Variants in PTK2B observed in about 807,000 individuals in gnomAD.
PTK2B encodes the protein protein-tyrosine kinase 2-beta.
PTK2B carries 71 observed loss-of-function variants against 142.9 expected under a neutral mutation model. The ratio of observed to expected loss-of-function variants is 0.50; its 90% CI spans 0.41 to 0.61. The LOEUF (loss-of-function observed/expected upper bound fraction) is 0.61. Among genes scored for constraint, PTK2B ranks in the 20% least tolerant of loss-of-function variants. The probability of loss-of-function intolerance (pLI) is 0.00; values close to 1 mark genes in which losing one functional copy is unlikely to be tolerated. For synonymous variants in PTK2B, 519 were observed against 503.4 expected, an observed-to-expected ratio of 1.03 and a Z score of -0.42; for missense variants, 1,105 against 1,320.4, an observed-to-expected ratio of 0.84 and a Z score of 2.53.
intron 1 of PTK2B, among the ~76,000 whole-genome samples, chr8:27,364,075 C>A (rs546862899): frequency 6.6e-6 from 1 of 152,324 alleles, no homozygotes; most frequent in Admixed American, 6.5e-5. Context: ...AGCGCTGAAA[C>A]AGCTGCATCA....
At chr8:27,434,393 T>C (rs1810638666) in intron 12 of PTK2B, 120 bp from the exon 13 acceptor site, 7 of 1,216,834 alleles carry the variant, frequency 5.8e-6, no homozygotes, top group East Asian at 2.6e-5. Context: ...CCCAGGTCAT[T>C]GCTAATTTGG....
intron 5 of PTK2B, among the ~76,000 whole-genome samples, chr8:27,423,040 G>A (rs1407723000): frequency 6.6e-6 from 1 of 152,192 alleles, no homozygotes; most frequent in Non-Finnish European, 1.5e-5. Flanking sequence ...CAGGCTCAGG[G>A]ATCAGTGGAA....
chr8:27,340,111 T>TA (rs896246240), intron 1 of PTK2B, among the ~76,000 whole-genome samples: 1 of 152,246 alleles, frequency 6.6e-6, no homozygotes, highest in African/African-American at 2.4e-5. Context: ...CCACATCACT[T>TA]AGCACCTGCT....
At chr8:27,435,642 T>C (rs1031524318) in intron 13 of PTK2B, 101 bp from the exon 14 acceptor site, 10 of 1,422,718 alleles carry the variant, frequency 7.0e-6, no homozygotes, top group Non-Finnish European at 9.9e-6. Flanking sequence ...TCCTACCCCC[T>C]TGGGCTCCAC....
chr8:27,396,179 C>G (rs925401998), intron 1 of PTK2B: 1 of 152,182 alleles, frequency 6.6e-6, no homozygotes, highest in African/African-American at 2.4e-5. Flanking sequence ...TTTGCATCTT[C>G]GTAATACATA....
At chr8:27,317,698 T>C (rs2130549682) in intron 3 of PTK2B, among the ~76,000 whole-genome samples, 1 of 152,340 alleles carries the variant, frequency 6.6e-6, no homozygotes, top group Non-Finnish European at 1.5e-5. Context: ...CTGCTCCCTG[T>C]AGGAGGGACA....
chr8:27,396,019 A>G (rs1223719191), intron 1 of PTK2B: 2 of 152,196 alleles, frequency 1.3e-5, no homozygotes, highest in South Asian at 2.1e-4. Context: ...AAGAATATAT[A>G]TATCTTAAAG....
At chr8:27,419,593 T>C (rs1490949804) in intron 2 of PTK2B, among the ~76,000 whole-genome samples, 1 of 152,208 alleles carries the variant, frequency 6.6e-6, no homozygotes, top group Non-Finnish European at 1.5e-5. Context: ...CCGTAATTAT[T>C]AATTGGTTAG....
Position 27,458,906 on chromosome 8 carries a change from C to T in PTK2B, c.*397C>T, listed in dbSNP as rs771285765. On this transcript the variant is annotated 3_prime_UTR_variant, in exon 31 of 31. Coordinates refer to ENST00000346049, the MANE Select transcript of PTK2B (RefSeq NM_173176.3). ...TATTCCTTTCCCTTCCTCTTCGGCC[C>T]TCAGATGTCCCTTGATGCACAGAGA... The T allele has an allele frequency of 2.9e-6, 1 of 347,538 alleles. No homozygotes were observed. Among genetic ancestry groups the T allele is most frequent in the Non-Finnish European group, 5.4e-6 (1 of 186,206 alleles). 21.5% of individuals were successfully genotyped at this position (347,538 alleles called of 1,614,324 possible). A position where few individuals can be genotyped will look rare whatever the true frequency, so the allele number is the denominator to read the frequency against.
intron 3 of PTK2B, among the ~76,000 whole-genome samples, chr8:27,315,865 G>T (rs1803083686): frequency 6.6e-6 from 1 of 151,828 alleles, no homozygotes; most frequent in South Asian, 2.1e-4. Context: ...CACTATAAAA[G>T]AAAAGATGGA....
At chr8:27,435,554 G>C (rs900532081) in intron 13 of PTK2B, among the ~76,000 whole-genome samples, 189 bp from the exon 14 acceptor site, 5 of 152,250 alleles carry the variant, frequency 3.3e-5, no homozygotes, top group African/African-American at 1.2e-4. Flanking sequence ...AGAGAGCAGG[G>C]AGTTCAGCCA....
intron 1 of PTK2B, among the ~76,000 whole-genome samples, chr8:27,352,098 G>A (rs1197048980): frequency 6.6e-6 from 1 of 152,174 alleles, no homozygotes; most frequent in East Asian, 1.9e-4. Flanking sequence ...CCACGGCGGG[G>A]GGGCTGCCTG....
chr8:27,450,392 A>G (rs1486940445), intron 24 of PTK2B, among the ~76,000 whole-genome samples: 4 of 152,236 alleles, frequency 2.6e-5, no homozygotes, highest in Non-Finnish European at 5.9e-5. Flanking sequence ...AGACTTTAAT[A>G]GCTTTTCTTT....
chr8:27,432,208 G>A (rs552990505), intron 9 of PTK2B, 52 bp from the exon 10 acceptor site: 3 of 1,554,832 alleles, frequency 1.9e-6, no homozygotes, highest in East Asian at 2.3e-5. Context: ...CAATCTGCAT[G>A]GCCTAGTCCT....
intron 30 of PTK2B, among the ~76,000 whole-genome samples, chr8:27,455,864 G>T (rs1016041198): frequency 1.3e-5 from 2 of 152,244 alleles, no homozygotes; most frequent in African/African-American, 4.8e-5. Context: ...GACGTTTGTT[G>T]GTTCTCCGTC....
intron 30 of PTK2B, among the ~76,000 whole-genome samples, chr8:27,457,662 T>G (rs1812215196): frequency 6.6e-6 from 1 of 152,084 alleles, no homozygotes; most frequent in Non-Finnish European, 1.5e-5. Flanking sequence ...CCCTCATGGA[T>G]GATTTTGAGG....
intron 9 of PTK2B, among the ~76,000 whole-genome samples, chr8:27,431,895 G>C (rs28408579): frequency 0.14 from 21,453 of 152,168 alleles, 1,540 homozygotes; most frequent in Middle Eastern, 0.16. Flanking sequence ...ATAGGGAGGG[G>C]CTTGGTCTAG....
At chr8:27,447,022 C>A (rs1226384024) in intron 24 of PTK2B, among the ~76,000 whole-genome samples, 1 of 152,228 alleles carries the variant, frequency 6.6e-6, no homozygotes, top group Non-Finnish European at 1.5e-5. Context: ...GGTTTCTCCA[C>A]CCTCCTGCCT....
chr8:27,376,373 A>T (rs1245911893), intron 1 of PTK2B, among the ~76,000 whole-genome samples: 1 of 152,166 alleles, frequency 6.6e-6, no homozygotes, highest in African/African-American at 2.4e-5. Flanking sequence ...TGAGGTTGGG[A>T]CTAAAATGTG....
Sources: gnomAD v4.1 joint callset for allele counts (sites outside exome capture counted in the v4.1 genomes callset) on GRCh38, gnomAD v4.1.1 for gene constraint, MANE v1.5 for transcripts, NCBI Gene and HGNC (gene_info 2026-07-23, HGNC 2026-07-21) for gene names.